MLLT3: variants seen among roughly 807,000 people sequenced by gnomAD.
MLLT3 encodes protein AF-9.
A neutral mutation model predicts 53.2 loss-of-function variants in MLLT3; 4 were observed. The observed-to-expected ratio is 0.08, with a 90% CI of 0.04 to 0.17. The LOEUF (loss-of-function observed/expected upper bound fraction) is 0.17, where lower values mean the gene tolerates loss of function less well. Among genes scored for constraint, MLLT3 ranks in the 10% least tolerant of loss-of-function variants. The probability of loss-of-function intolerance (pLI) is 1.00; values close to 1 mark genes in which losing one functional copy is unlikely to be tolerated. For synonymous variants in MLLT3, 283 were observed against 230.6 expected (o/e 1.23, Z -2.06); for missense variants, 569 against 684.0 (o/e 0.83, Z 1.87).
At chr9:20,618,635 A>G (rs1431576848) in intron 2 of MLLT3, among the ~76,000 whole-genome samples, 1 of 152,236 alleles carries the variant, frequency 6.6e-6, no homozygotes, top group African/African-American at 2.4e-5. Context: ...ACAAGCAGAC[A>G]TCTCTCACCA....
intron 2 of MLLT3, among the ~76,000 whole-genome samples, chr9:20,589,578 G>C (rs140360349): frequency 0.031 from 3,548 of 113,784 alleles, 124 homozygotes; most frequent in East Asian, 0.16. Context: ...AAAACTTAAA[G>C]TATAATAATA....
chr9:20,358,348 C>A (rs1431594646), intron 8 of MLLT3, among the ~76,000 whole-genome samples: 1 of 152,134 alleles, frequency 6.6e-6, no homozygotes. Flanking sequence ...GACTTTCTTA[C>A]CATGCTTACA....
chr9:20,608,055 C>T (rs969176617), intron 2 of MLLT3, among the ~76,000 whole-genome samples: 2 of 151,844 alleles, frequency 1.3e-5, no homozygotes, highest in Admixed American at 6.6e-5. Context: ...CCAAAAAGGA[C>T]CACTTCTTTC....
chr9:20,510,436 C>T (rs1046228906), intron 2 of MLLT3, among the ~76,000 whole-genome samples: 1 of 151,872 alleles, frequency 6.6e-6, no homozygotes, highest in Non-Finnish European at 1.5e-5. Flanking sequence ...CATGGTGAAA[C>T]CTCATCTCTA....
At chr9:20,366,480 T>C (rs1468012539) in intron 5 of MLLT3, among the ~76,000 whole-genome samples, 1 of 152,234 alleles carries the variant, frequency 6.6e-6, no homozygotes. Context: ...GTCTTTGCTA[T>C]TGTGAATAGT....
In MLLT3 at chr9:20,344,275, T is replaced by C. The variant is rs977040245; in HGVS notation, c.*2168A>G. ...TTGCCCCACAATTTAGTTACAGAAA[T>C]AAAAATGGCCCAAACTACATATATA... On this transcript the variant is annotated 3_prime_UTR_variant, in exon 11 of 11. Transcript: ENST00000380338. The C allele has an allele frequency of 5.0e-6, 1 of 199,540 alleles. No individual in the cohort carries two copies. The allele number at this position is 199,540 out of a possible 1,614,324, so 12.4% of individuals were successfully genotyped here.
Position 20,514,284 on chromosome 9 carries a change from G to C in MLLT3, c.194-57498C>G, listed in dbSNP as rs148233432. ...TGTCCTGATGAGTGGAGGTTTTAGT[G>C]TCCCAGGGGAAGGAATCACAGGGGC... is the stretch of plus-strand genomic sequence containing the variant. On this transcript the variant is annotated intron_variant, in intron 2 of 10. Coordinates refer to ENST00000380338, the MANE Select transcript of MLLT3 (RefSeq NM_004529.4). Among the ~76,000 whole-genome samples the C allele has an allele frequency of 7.6e-4, 115 of 152,270 alleles. 1 individual carries two copies. The East Asian group carries it at 0.021, about 28-fold the overall frequency.
At chr9:20,595,532 A>G (rs994895449) in intron 2 of MLLT3, among the ~76,000 whole-genome samples, 1 of 152,196 alleles carries the variant, frequency 6.6e-6, no homozygotes, top group African/African-American at 2.4e-5. Context: ...AACCATAAAC[A>G]GGAAAAATAG....
chr9:20,608,828 C>T (rs1820632897), intron 2 of MLLT3, among the ~76,000 whole-genome samples: 2 of 151,918 alleles, frequency 1.3e-5, no homozygotes, highest in Non-Finnish European at 2.9e-5. Flanking sequence ...CTTGAAAAAG[C>T]CAACGAATTT....
chr9:20,588,348 C>T (rs981076595), intron 2 of MLLT3, among the ~76,000 whole-genome samples: 3 of 150,986 alleles, frequency 2.0e-5, no homozygotes, highest in African/African-American at 7.3e-5. Context: ...TCCATATGAA[C>T]TTTAAAGTAG....
At chr9:20,549,017 G>A (rs955407066) in intron 2 of MLLT3, among the ~76,000 whole-genome samples, 3 of 151,978 alleles carry the variant, frequency 2.0e-5, no homozygotes, top group African/African-American at 7.3e-5. Context: ...GTTTCACCAT[G>A]TTGCCCAGGT....
chr9:20,369,225 A>G (rs1821531981), intron 5 of MLLT3, among the ~76,000 whole-genome samples: 1 of 152,180 alleles, frequency 6.6e-6, no homozygotes, highest in South Asian at 2.1e-4. Context: ...AGAAGCCTAT[A>G]TATGAGGAGA....
chr9:20,448,403 A>G lies in MLLT3; in HGVS notation c.277-137T>C, dbSNP rs1211086102. Reference sequence around the variant, plus strand: ...GCTAAACTGTCAAAGTAGTACTGGGAAAAAAAAAAGTATCATGGAATCATC... The same window carrying G: ...GCTAAACTGTCAAAGTAGTACTGGGGAAAAAAAAAGTATCATGGAATCATC... On this transcript the variant is annotated intron_variant, in intron 3 of 10. Coordinates refer to ENST00000380338, the MANE Select transcript of MLLT3 (RefSeq NM_004529.4). This position sits in a 1 kb window ranked among gnomAD's most constrained non-coding sequence, Gnocchi z 4.0. 3.3e-5 allele frequency: 17 copies of G among 509,288 alleles called. No homozygotes were observed. Among genetic ancestry groups the G allele is most frequent in the Admixed American group, 8.0e-5 (2 of 24,908 alleles). The allele number at this position is 509,288 out of a possible 1,614,324, so 31.5% of individuals were successfully genotyped here.
rs542759872 is a variant in MLLT3, at chr9:20,479,526, G to C, written c.194-22740C>G. On this transcript the variant is annotated intron_variant, in intron 2 of 10. Transcript: ENST00000380338. ...TGAGACCTTTTCCATTTGACTCAAA[G>C]CAAGCTGTTCAGAGGAGAAAGGAGT... Among the ~76,000 whole-genome samples, 60 of 152,172 alleles carry C rather than the reference G, an allele frequency of 3.9e-4. 1 individual carries two copies. The highest frequency in any genetic ancestry group is 7.2e-4 in the Admixed American group (11 of 15,278).
chr9:20,393,557 T>C (rs1171662649), intron 5 of MLLT3, among the ~76,000 whole-genome samples: 2 of 152,216 alleles, frequency 1.3e-5, no homozygotes, highest in African/African-American at 4.8e-5. Flanking sequence ...TTCACTGATA[T>C]AATTAAATAC....
rs1178633441 is a variant in MLLT3, at chr9:20,342,398, A to G, written c.*4045T>C. On this transcript the variant is annotated 3_prime_UTR_variant, in exon 11 of 11. Coordinates refer to ENST00000380338, the MANE Select transcript of MLLT3 (RefSeq NM_004529.4). Reference sequence around the variant, plus strand: ...CAGTCCATTAAAAAGATACTGACAGATTTATAAAATGTATTGGCCTTGCAC... The same window carrying G: ...CAGTCCATTAAAAAGATACTGACAGGTTTATAAAATGTATTGGCCTTGCAC... 1 of 223,082 alleles carries G rather than the reference A, an allele frequency of 4.5e-6. No homozygotes were observed. Among genetic ancestry groups the G allele is most frequent in the East Asian group, 6.5e-5 (1 of 15,284 alleles). 13.8% of individuals were successfully genotyped at this position (223,082 alleles called of 1,614,324 possible).
At chr9:20,411,874 A>T (rs1305699120) in intron 5 of MLLT3, 1 of 152,164 alleles carries the variant, frequency 6.6e-6, no homozygotes, top group African/African-American at 2.4e-5. Flanking sequence ...TGCTTTATGA[A>T]CGCCATTTGG....
intron 5 of MLLT3, among the ~76,000 whole-genome samples, chr9:20,371,756 T>C (rs1445850004): frequency 6.6e-6 from 1 of 152,260 alleles, no homozygotes; most frequent in Non-Finnish European, 1.5e-5. Context: ...ATCTATTCTG[T>C]AGCTCATGAA....
At chr9:20,383,046 T>C (rs549163017) in intron 5 of MLLT3, among the ~76,000 whole-genome samples, 1 of 151,996 alleles carries the variant, frequency 6.6e-6, no homozygotes, top group Non-Finnish European at 1.5e-5. Flanking sequence ...ACATGAACTT[T>C]AAGCCCCTAC....
Sources: allele counts gnomAD v4.1 joint callset (sites outside exome capture counted in the v4.1 genomes callset), GRCh38; gene constraint gnomAD v4.1.1; non-coding constraint Gnocchi (gnomAD v3.1); transcripts MANE v1.5; gene names NCBI Gene and HGNC (gene_info 2026-07-23, HGNC 2026-07-21).